The following DPP10 variants were observed in gnomAD, a reference collection of about 807,000 sequenced individuals.
The protein encoded by DPP10 is inactive dipeptidyl peptidase 10.
In DPP10, 33 loss-of-function variants were observed where a neutral mutation model predicts 120.9. That is an observed-to-expected ratio of 0.27 (90% confidence interval 0.21 to 0.37). The LOEUF (loss-of-function observed/expected upper bound fraction) is 0.37. DPP10 is among the 10% of genes least tolerant of loss of function. The probability of loss-of-function intolerance (pLI) is 1.00; values close to 1 mark genes in which losing one functional copy is unlikely to be tolerated. For synonymous variants in DPP10, 337 were observed against 326.1 expected (o/e 1.03, Z -0.36); for missense variants, 816 against 942.8 (o/e 0.87, Z 1.76).
At chr2:114,873,347 G>A (rs2106568650) in intron 1 of DPP10, among the ~76,000 whole-genome samples, 1 of 152,250 alleles carries the variant, frequency 6.6e-6, no homozygotes, top group South Asian at 2.1e-4. Context: ...AGCCACTGTA[G>A]TATTCAATCC....
At chr2:114,590,134 C>T (rs1691336123) in intron 1 of DPP10, among the ~76,000 whole-genome samples, 1 of 151,966 alleles carries the variant, frequency 6.6e-6, no homozygotes, top group Admixed American at 6.6e-5. Context: ...TAAATAATTG[C>T]AGCACAATTT....
chr2:115,577,588 C>T (rs778999653), intron 5 of DPP10, among the ~76,000 whole-genome samples: 3 of 152,064 alleles, frequency 2.0e-5, no homozygotes, highest in Non-Finnish European at 4.4e-5. Context: ...AAAGTACTGT[C>T]GATTGGGTGG....
chr2:115,741,426 CTT>C (rs1223700791), intron 9 of DPP10, among the ~76,000 whole-genome samples: 9 of 142,182 alleles, frequency 6.3e-5, no homozygotes, highest in Admixed American at 7.1e-5. Context: ...ATAGATTTAG[CTT>C]TTTTTTTTTT....
intron 3 of DPP10, among the ~76,000 whole-genome samples, chr2:115,444,772 T>G (rs965536): frequency 6.6e-6 from 1 of 152,050 alleles, no homozygotes; most frequent in South Asian, 2.1e-4. Flanking sequence ...TGCAAACATA[T>G]GTACACTTTC....
At chr2:115,144,956 C>G (rs974704074) in intron 1 of DPP10, 1 of 151,964 alleles carries the variant, frequency 6.6e-6, no homozygotes, top group Admixed American at 6.6e-5. Context: ...TGTAGTTTTT[C>G]CAGCATTTAT....
chr2:115,827,410 G>GTA (rs1477286267), intron 21 of DPP10, among the ~76,000 whole-genome samples: 26 of 97,242 alleles, frequency 2.7e-4, no homozygotes, highest in African/African-American at 7.8e-4. Context: ...GTGTATGTGT[G>GTA]TGTGTATATA....
chr2:115,544,053 A>C (rs1018133516), intron 5 of DPP10, among the ~76,000 whole-genome samples: 1 of 151,898 alleles, frequency 6.6e-6, no homozygotes, highest in Non-Finnish European at 1.5e-5. Flanking sequence ...AAAAAAAAAA[A>C]CAATCCTGAA....
At chr2:114,778,127 G>A (rs1681926401) in intron 1 of DPP10, among the ~76,000 whole-genome samples, 1 of 152,028 alleles carries the variant, frequency 6.6e-6, no homozygotes. Flanking sequence ...TAAATGAAAT[G>A]TTATTATAGG....
chr2:114,913,842 A>G (rs1694571404), intron 1 of DPP10, among the ~76,000 whole-genome samples: 1 of 152,170 alleles, frequency 6.6e-6, no homozygotes, highest in East Asian at 1.9e-4. Context: ...CACAAGCAAC[A>G]CAAGAGCTGA....
intron 12 of DPP10, 98 bp downstream of exon 12, chr2:115,762,708 CT>C (rs1680263503): frequency 7.2e-7 from 1 of 1,389,064 alleles, no homozygotes. Flanking sequence ...GAGTTTAAGG[CT>C]TTGCTAGGTT....
chr2:114,525,122 T>C (rs1345726391), intron 1 of DPP10, among the ~76,000 whole-genome samples: 1 of 152,160 alleles, frequency 6.6e-6, no homozygotes, highest in African/African-American at 2.4e-5. Context: ...TTTCTAAGCC[T>C]CCAGAAACTG....
chr2:115,371,073 T>A (rs944807541), intron 3 of DPP10, among the ~76,000 whole-genome samples: 10 of 152,194 alleles, frequency 6.6e-5, no homozygotes, highest in Non-Finnish European at 1.0e-4. Flanking sequence ...ATTATAGTGC[T>A]GGCTACATTT....
chr2:115,173,949 A>G (rs1338836310), intron 1 of DPP10, among the ~76,000 whole-genome samples: 1 of 152,234 alleles, frequency 6.6e-6, no homozygotes, highest in African/African-American at 2.4e-5. Context: ...AAGAGTTGGT[A>G]GAAGGAGCCT....
At chr2:115,683,853 C>G (rs926560590) in intron 5 of DPP10, among the ~76,000 whole-genome samples, 4 of 151,590 alleles carry the variant, frequency 2.6e-5, no homozygotes, top group African/African-American at 9.7e-5. Context: ...TTTTTTCTTT[C>G]TTATTGTAGT....
chr2:115,182,211 T>A (rs1469383455), intron 1 of DPP10, among the ~76,000 whole-genome samples: 1 of 152,230 alleles, frequency 6.6e-6, no homozygotes, highest in Non-Finnish European at 1.5e-5. Context: ...AGAGTAATTT[T>A]GTGTCAAAAA....
chr2:114,485,501 C>CTTAATGTTTCAGTTTGATTATGTGTCA (rs1681435455), intron 1 of DPP10, among the ~76,000 whole-genome samples: 1 of 149,368 alleles, frequency 6.7e-6, no homozygotes, highest in Non-Finnish European at 1.5e-5. Context: ...TATCTGCTTC[C>CTTAATGTTTCAGTTTGATTATGTGTCA]TTAATGTTTC....
At chr2:115,125,300 A>G (rs1466264321) in intron 1 of DPP10, among the ~76,000 whole-genome samples, 1 of 152,196 alleles carries the variant, frequency 6.6e-6, no homozygotes, top group Middle Eastern at 3.2e-3. Context: ...CATGATGTAT[A>G]TTTTTAAAGA....
chr2:114,519,970 C>T (rs1432068339), intron 1 of DPP10, among the ~76,000 whole-genome samples: 1 of 120,394 alleles, frequency 8.3e-6, no homozygotes, highest in Non-Finnish European at 1.9e-5. Flanking sequence ...TAAATCTTCC[C>T]AGTAGCACGT....
chr2:114,623,609 TG>T (rs2105341253), intron 1 of DPP10, among the ~76,000 whole-genome samples: 1 of 152,194 alleles, frequency 6.6e-6, no homozygotes, highest in African/African-American at 2.4e-5. Context: ...TTTTAAATTT[TG>T]TGTGAAAAGT....
Sources: gnomAD v4.1 joint callset for allele counts (sites outside exome capture counted in the v4.1 genomes callset) on GRCh38, gnomAD v4.1.1 for gene constraint, MANE v1.5 for transcripts, NCBI Gene and HGNC (gene_info 2026-07-23, HGNC 2026-07-21) for gene names.